ME2: variants seen among roughly 807,000 people sequenced by gnomAD.
ME2 encodes malic enzyme 2, also known as NAD-dependent malic enzyme, mitochondrial.
A neutral mutation model predicts 73.7 loss-of-function variants in ME2; 60 were observed. The ratio of observed to expected loss-of-function variants is 0.81; its 90% CI spans 0.66 to 1.01. ME2 has a LOEUF of 1.01. Ranked by LOEUF, ME2 falls within the 50% of genes least tolerant of loss-of-function variation. The pLI is 0.00. For missense variants in ME2, 594 were observed against 705.5 expected (o/e 0.84, Z 1.79); for synonymous variants, 199 against 236.9 (o/e 0.84, Z 1.47).
At chr18:50,893,124 CAAA>C (rs56104427) in intron 1 of ME2, among the ~76,000 whole-genome samples, 32 of 78,086 alleles carry the variant, frequency 4.1e-4, no homozygotes, top group African/African-American at 1.5e-3. Context: ...GACTCTATCT[CAAA>C]AAAAAAAAAA....
chr18:50,933,763 G>A (rs1033333763), intron 13 of ME2: 7 of 151,890 alleles, frequency 4.6e-5, no homozygotes, highest in South Asian at 4.2e-4. Flanking sequence ...TTCATCACCC[G>A]GCTAATAAGC....
At chr18:50,929,659 A>G (rs1917648517) in intron 12 of ME2, among the ~76,000 whole-genome samples, 1 of 152,132 alleles carries the variant, frequency 6.6e-6, no homozygotes, top group African/African-American at 2.4e-5. Context: ...CAATCACAAA[A>G]TCACCATACA....
intron 1 of ME2, among the ~76,000 whole-genome samples, chr18:50,894,027 G>A (rs1916671890): frequency 6.6e-6 from 1 of 152,020 alleles, no homozygotes; most frequent in Non-Finnish European, 1.5e-5. Context: ...AACATTCTTG[G>A]CAATGTTGAA....
chr18:50,924,166 T>TA lies in ME2; in HGVS notation c.1126dup (p.Thr376AsnfsTer3). 6.2e-7 allele frequency: 1 copy of TA among 1,613,498 alleles called. No individual in the cohort carries two copies. The highest frequency in any genetic ancestry group is 1.1e-5 in the South Asian group (1 of 90,946). On this transcript the variant is annotated frameshift_variant, in exon 11 of 16. Transcript: ENST00000321341. LOFTEE classifies it high-confidence loss of function. ...ACTCAGCCCCAGAGAGCATACCTGA[T>TA]ACTTTTGAAGATGCAGTGAATATAC...
intron 1 of ME2, among the ~76,000 whole-genome samples, chr18:50,891,988 G>GTT (rs11463139): frequency 8.2e-4 from 117 of 143,088 alleles, no homozygotes; most frequent in African/African-American, 2.5e-3. Context: ...GTGTGTGTGG[G>GTT]TTTTTTTTTT....
At chr18:50,897,867 A>T (rs1174815159) in intron 2 of ME2, among the ~76,000 whole-genome samples, 1 of 108,592 alleles carries the variant, frequency 9.2e-6, no homozygotes, top group African/African-American at 6.4e-5. Context: ...CTCAAAAAAA[A>T]AAAGAAAAAG....
In ME2 at chr18:50,939,581, G is replaced by C. The variant is rs1423374659; in HGVS notation, c.1429G>C (p.Ala477Pro). 1.9e-6 allele frequency: 3 copies of C among 1,611,070 alleles called. No homozygotes were observed. Among genetic ancestry groups the C allele is most frequent in the Non-Finnish European group, 2.5e-6 (3 of 1,177,470 alleles). ...NVYIFPGVAL[A>P]VILCNTRHIS... Reference sequence around the variant, plus strand: ...AAAATGTGTTCTAGGTGTGGCTTTAGCTGTTATTCTCTGTAACACCCGGCA... The same window carrying C: ...AAAATGTGTTCTAGGTGTGGCTTTACCTGTTATTCTCTGTAACACCCGGCA... The change falls in exon 14 of 16, where the codon GCT (alanine) becomes CCT (proline). Residue 477 changes from alanine (A) to proline (P), a missense_variant. By Grantham distance (27) the Ala-to-Pro change is conservative. Coordinates refer to ENST00000321341, the MANE Select transcript of ME2 (RefSeq NM_002396.5).
Position 50,925,739 on chromosome 18 carries a change from C to T in ME2, c.1172-17C>T, listed in dbSNP as rs1917535468. On this transcript the variant is annotated splice_polypyrimidine_tract_variant and intron_variant, in intron 11 of 15. Transcript: ENST00000321341. ...ACCTATAATGAAGTTGCTGTTTTTC[C>T]CCCTTACTTATTACAGGAGTTGCAG... 6.2e-7 allele frequency: 1 copy of T among 1,610,284 alleles called. No individual in the cohort carries two copies. The highest frequency in any genetic ancestry group is 1.1e-5 in the South Asian group (1 of 90,818).
At chr18:50,946,516 G>T (rs1483121182) in intron 15 of ME2, among the ~76,000 whole-genome samples, 1 of 152,220 alleles carries the variant, frequency 6.6e-6, no homozygotes, top group Non-Finnish European at 1.5e-5. Flanking sequence ...CATAGAAAGT[G>T]CCTGGCACTC....
chr18:50,931,585 A>T (rs906393730), intron 12 of ME2, among the ~76,000 whole-genome samples: 1 of 151,672 alleles, frequency 6.6e-6, no homozygotes, highest in Non-Finnish European at 1.5e-5. Flanking sequence ...TTGTTTTGGT[A>T]TTTCCCCTTC....
rs376495953 is a variant in ME2 at position 50,912,834 on chromosome 18, T to C, written c.276T>C (p.Asn92=). ...ACATAATGGGAATACAAGAAAGAAA[T>C]GAGAAATTGTTTTATAGAATACTGC... The part of the protein sequence containing the change: ...YIYIMGIQER[N]EKLFYRILQD... The change falls in exon 4 of 16, where the codon AAT becomes AAC. Residue 92 remains asparagine, a synonymous_variant. Coordinates refer to ENST00000321341, the MANE Select transcript of ME2 (RefSeq NM_002396.5). 93 of 1,601,014 alleles carry C rather than the reference T, an allele frequency of 5.8e-5. No homozygotes were observed. Among genetic ancestry groups the C allele is most frequent in the Non-Finnish European group, 7.7e-5 (90 of 1,172,386 alleles).
intron 1 of ME2, among the ~76,000 whole-genome samples, chr18:50,886,334 C>T (rs1363914753): frequency 2.6e-5 from 4 of 151,048 alleles, no homozygotes; most frequent in Admixed American, 2.0e-4. Flanking sequence ...ACCTTCACCT[C>T]CCAGGTTCAA....
chr18:50,935,980 GT>G (rs971313058), intron 13 of ME2, among the ~76,000 whole-genome samples: 7 of 148,354 alleles, frequency 4.7e-5, no homozygotes, highest in Non-Finnish European at 4.5e-5. Flanking sequence ...TCATGGCTGA[GT>G]TTTTTTTTTA....
intron 4 of ME2, among the ~76,000 whole-genome samples, chr18:50,915,089 C>CCCTCCTCCTCCT (rs57668604): frequency 2.0e-5 from 3 of 150,328 alleles, no homozygotes; most frequent in African/African-American, 7.4e-5. Flanking sequence ...GAAGACCAAC[C>CCCTCCTCCTCCT]CCTCCTCCTC....
At chr18:50,946,623 A>C (rs1918089625) in intron 15 of ME2, among the ~76,000 whole-genome samples, 1 of 152,140 alleles carries the variant, frequency 6.6e-6, no homozygotes, top group African/African-American at 2.4e-5. Context: ...AATAATTACT[A>C]TGCCTCTTAA....
rs1401019488 is a variant in ME2, at chr18:50,901,163, AT to A, written c.108+5238del. On this transcript the variant is annotated intron_variant, in intron 2 of 15. Coordinates refer to ENST00000321341, the MANE Select transcript of ME2 (RefSeq NM_002396.5). ...CACATTTTCAGAAGTCTAAACAAGCATTTGAGTGCTAGTGAGGCACTGGCTA... is the reference window on the plus strand; with the variant it reads ...CACATTTTCAGAAGTCTAAACAAGCATTGAGTGCTAGTGAGGCACTGGCTA... Among the ~76,000 whole-genome samples, 9 of 152,330 alleles carry A rather than the reference AT, an allele frequency of 5.9e-5. No individual in the cohort carries two copies. In the East Asian group the frequency reaches 1.3e-3, roughly 23 times the overall value.
intron 12 of ME2, among the ~76,000 whole-genome samples, chr18:50,931,400 A>G (rs1177839306): frequency 1.3e-5 from 2 of 152,228 alleles, no homozygotes; most frequent in East Asian, 3.8e-4. Context: ...TACAGTTTTG[A>G]TGTGTGACTT....
rs748253954 is a variant in ME2, at chr18:50,924,116, G to A, written c.1075G>A (p.Asp359Asn). 34 of 1,611,230 alleles carry A rather than the reference G, an allele frequency of 2.1e-5. No homozygotes were observed. The South Asian group carries it at 3.8e-4, about 18-fold the overall frequency. ...LLVKGRKAKI[D>N]SYQEPFTHSA... is the part of the protein sequence containing the mutation. ...AATTTAGGGACGGAAAGCAAAAATAGATAGTTATCAGGAACCATTTACTCA... is the reference window on the plus strand; with the variant it reads ...AATTTAGGGACGGAAAGCAAAAATAAATAGTTATCAGGAACCATTTACTCA... Residue 359 changes from aspartate to asparagine, a missense_variant, in exon 11 of 16, where the codon GAT (aspartate) becomes AAT (asparagine). Transcript: ENST00000321341.
In ME2 at chr18:50,947,104, C is replaced by T. The variant is rs752635786; in HGVS notation, c.1675C>T (p.Arg559Trp). 8 of 1,613,942 alleles carry T rather than the reference C, an allele frequency of 5.0e-6. No individual in the cohort carries two copies. Among genetic ancestry groups the T allele is most frequent in the Admixed American group, 1.7e-5 (1 of 60,004 alleles). ...CAAATATGTTAAAGAAAGAACATGG[C>T]GGAGTGAATATGATTCCCTGCTGCC... ...KAKYVKERTW[R>W]SEYDSLLPDV... The change falls in exon 16 of 16, where the codon CGG becomes TGG. Residue 559 changes from arginine (R) to tryptophan (W), a missense_variant. Physicochemically the swap from Arg to Trp is moderately radical, Grantham distance 101 (BLOSUM62 -3). Transcript: ENST00000321341.
Sources: allele counts gnomAD v4.1 joint callset (sites outside exome capture counted in the v4.1 genomes callset), GRCh38; gene constraint gnomAD v4.1.1; transcripts MANE v1.5; gene names NCBI Gene and HGNC (gene_info 2026-07-23, HGNC 2026-07-21).